The following CDC123 variants were observed in gnomAD, a reference collection of about 807,000 sequenced individuals.
CDC123 encodes cell division cycle 123.
A neutral mutation model predicts 54.4 loss-of-function variants in CDC123; 37 were observed. The ratio of observed to expected loss-of-function variants is 0.68; its 90% CI spans 0.52 to 0.89. CDC123 has a LOEUF of 0.89. CDC123 is among the 40% of genes least tolerant of loss of function. CDC123 has a pLI of 0.00. For missense variants in CDC123, 361 were observed against 412.1 expected (o/e 0.88, Z 1.07); for synonymous variants, 144 against 136.8 (o/e 1.05, Z -0.37).
intron 10 of CDC123, among the ~76,000 whole-genome samples, chr10:12,239,196 T>C (rs889679496): frequency 1.3e-5 from 2 of 151,722 alleles, no homozygotes; most frequent in African/African-American, 4.8e-5. Context: ...ACTAAGGTGA[T>C]TGAAATTCAC....
chr10:12,196,450 T>TA (rs755814515), intron 1 of CDC123, 131 bp downstream of exon 1: 4 of 1,216,328 alleles, frequency 3.3e-6, no homozygotes, highest in Non-Finnish European at 2.3e-6. Context: ...GAGAGGGAAG[T>TA]ACATCAGCAA....
At chr10:12,229,096 T>G (rs546761752) in intron 6 of CDC123, among the ~76,000 whole-genome samples, 1 of 152,240 alleles carries the variant, frequency 6.6e-6, no homozygotes, top group Admixed American at 6.5e-5. Context: ...TCCCATTCCC[T>G]TAGTTAGACC....
intron 10 of CDC123, among the ~76,000 whole-genome samples, chr10:12,239,710 TA>T (rs34401171): frequency 2.3e-3 from 335 of 145,032 alleles, no homozygotes; most frequent in African/African-American, 5.0e-3. Flanking sequence ...CTCTGTTTTT[TA>T]AAAAAAAAAA....
At chr10:12,221,994 T>A (rs1564437256) in intron 6 of CDC123, among the ~76,000 whole-genome samples, 1 of 152,160 alleles carries the variant, frequency 6.6e-6, no homozygotes, top group Non-Finnish European at 1.5e-5. Flanking sequence ...CTCCAGGGTT[T>A]CTGGTCCAGC....
At position 12,237,233 on chromosome 10, in the gene CDC123, A is replaced by G. The variant is rs762115529; in HGVS notation, c.655A>G (p.Lys219Glu). The G allele has an allele frequency of 1.3e-6, 2 of 1,583,786 alleles. No individual in the cohort carries two copies. The highest frequency in any genetic ancestry group is 2.4e-5 in the South Asian group (2 of 83,714). The change falls in exon 9 of 13, where the codon AAA becomes GAA. Residue 219 changes from lysine (K) to glutamate (E), a missense_variant. Lys to Glu is a moderately conservative substitution (Grantham distance 56, BLOSUM62 1). Transcript: ENST00000281141. The stretch of plus-strand genomic sequence containing the variant: ...CAGATGCATACAAGACTTTTTCAAG[A>G]AACACATACAGTACAAATTCTTAGA... ...IRRCIQDFFK[K>E]HIQYKFLDED...
chr10:12,206,119 C>T (rs536877478), intron 2 of CDC123, among the ~76,000 whole-genome samples: 70 of 152,262 alleles, frequency 4.6e-4, no homozygotes, highest in African/African-American at 1.6e-3. Flanking sequence ...TATTTTTATA[C>T]ATTGTCACCT....
chr10:12,230,864 C>T lies in CDC123; in HGVS notation c.441-84C>T, dbSNP rs1835892393. On this transcript the variant is annotated intron_variant, in intron 6 of 12. Transcript: ENST00000281141. ...TGGATGCTTTTAGTAAAACGTTACT[C>T]TCATGTTAAATATATGTTAAGTGTG... 19 of 1,281,600 alleles carry T rather than the reference C, an allele frequency of 1.5e-5. 1 individual carries two copies. In the South Asian group the frequency reaches 2.5e-4, roughly 17 times the overall value. The allele number at this position is 1,281,600 out of a possible 1,614,324, so 79.4% of individuals were successfully genotyped here.
chr10:12,217,500 T>A, intron 6 of CDC123, 33 bp downstream of exon 6: 1 of 1,602,102 alleles, frequency 6.2e-7, no homozygotes. Flanking sequence ...TGTCAATAGT[T>A]TCAGTATTTG....
At position 12,223,693 on chromosome 10, in the gene CDC123, C is replaced by T. The variant is rs535486667; in HGVS notation, c.440+6226C>T. Reference sequence around the variant, plus strand: ...TAAGGCCATTTGGCTGGCAGAAAAGCTAAGTCTTCTTTGAGCTGAGGATGA... The same window carrying T: ...TAAGGCCATTTGGCTGGCAGAAAAGTTAAGTCTTCTTTGAGCTGAGGATGA... On this transcript the variant is annotated intron_variant, in intron 6 of 12. Transcript: ENST00000281141. Among the ~76,000 whole-genome samples, 79 of 152,214 alleles carry T rather than the reference C, an allele frequency of 5.2e-4. 1 individual carries two copies. Among genetic ancestry groups the T allele is most frequent in the South Asian group, 3.3e-3 (16 of 4,828 alleles).
chr10:12,218,958 AG>A (rs1835697098), intron 6 of CDC123, among the ~76,000 whole-genome samples: 1 of 152,206 alleles, frequency 6.6e-6, no homozygotes, highest in South Asian at 2.1e-4. Flanking sequence ...CAGTTATCTC[AG>A]GTAAACTCAT....
At chr10:12,237,375 T>C in intron 9 of CDC123, 109 bp downstream of exon 9, 2 of 832,100 alleles carry the variant, frequency 2.4e-6, no homozygotes, top group Non-Finnish European at 3.4e-6. Context: ...TACTGTATTG[T>C]AAGCATTTTA....
At chr10:12,241,966 G>GTTC (rs35117583) in intron 10 of CDC123, among the ~76,000 whole-genome samples, 82,382 of 151,622 alleles carry the variant, frequency 0.54, 22,639 homozygotes, top group Middle Eastern at 0.64. Context: ...TGTTCTTCGG[G>GTTC]TTCTTGTTTC....
chr10:12,230,495 G>A (rs1213049316), intron 6 of CDC123, among the ~76,000 whole-genome samples: 1 of 152,132 alleles, frequency 6.6e-6, no homozygotes, highest in Non-Finnish European at 1.5e-5. Context: ...ACCCATCCTG[G>A]GGTACATGGC....
At chr10:12,212,591 G>C (rs1024355205) in intron 4 of CDC123, among the ~76,000 whole-genome samples, 2 of 152,164 alleles carry the variant, frequency 1.3e-5, no homozygotes, top group African/African-American at 4.8e-5. Flanking sequence ...TTCTGCTTCA[G>C]CTTCCTGAGT....
At chr10:12,225,225 T>G (rs1835794651) in intron 6 of CDC123, among the ~76,000 whole-genome samples, 1 of 151,910 alleles carries the variant, frequency 6.6e-6, no homozygotes, top group Admixed American at 6.6e-5. Flanking sequence ...TGAAACCCCA[T>G]CTCTACTAAA....
chr10:12,249,477 G>GA, intron 11 of CDC123, 104 bp from the exon 12 acceptor site: 1 of 1,177,358 alleles, frequency 8.5e-7, no homozygotes, highest in Non-Finnish European at 1.2e-6. Flanking sequence ...AAGTACAGAG[G>GA]AAAACATGGA....
intron 1 of CDC123, among the ~76,000 whole-genome samples, chr10:12,197,321 TTAG>T (rs1250183412): frequency 6.6e-6 from 1 of 152,170 alleles, no homozygotes; most frequent in Non-Finnish European, 1.5e-5. Context: ...TGTTTAAAAT[TTAG>T]TAGATTTTCA....
At chr10:12,241,908 A>G (rs1052953219) in intron 10 of CDC123, among the ~76,000 whole-genome samples, 6 of 152,122 alleles carry the variant, frequency 3.9e-5, no homozygotes, top group African/African-American at 1.4e-4. Flanking sequence ...GGCTGCTAGG[A>G]GACCCTCCCA....
chr10:12,248,551 A>G (rs1178497945), intron 11 of CDC123, among the ~76,000 whole-genome samples: 1 of 151,686 alleles, frequency 6.6e-6, no homozygotes, highest in African/African-American at 2.4e-5. Context: ...CACACCTGTA[A>G]TCCCAGTACT....
Sources: gnomAD v4.1 joint callset for allele counts (sites outside exome capture counted in the v4.1 genomes callset) on GRCh38, gnomAD v4.1.1 for gene constraint, MANE v1.5 for transcripts, NCBI Gene and HGNC (gene_info 2026-07-23, HGNC 2026-07-21) for gene names.